GSDME: variants seen among roughly 807,000 people sequenced by gnomAD.
GSDME encodes the protein gasdermin-E.
A neutral mutation model predicts 47.5 loss-of-function variants in GSDME; 44 were observed. The ratio of observed to expected loss-of-function variants is 0.93; its 90% CI spans 0.73 to 1.19. The LOEUF (loss-of-function observed/expected upper bound fraction) is 1.19. GSDME is among the 50% of genes most tolerant of loss of function. GSDME has a pLI of 0.00. For missense variants in GSDME, 663 were observed against 604.2 expected, an observed-to-expected ratio of 1.10 and a Z score of -1.02; for synonymous variants, 258 against 252.8, an observed-to-expected ratio of 1.02 and a Z score of -0.20.
rs768833238 is a variant in GSDME, at chr7:24,714,937, C to T, written c.697+2317G>A. Among the ~76,000 whole-genome samples the T allele has an allele frequency of 3.3e-5, 5 of 152,222 alleles. No individual in the cohort carries two copies. The highest frequency in any genetic ancestry group is 4.8e-5 in the African/African-American group (2 of 41,454). ...TACAGAAGTGACGCATCCTTCACTA[C>T]AGCCAAGATACGGAAATAATGTAAC... On this transcript the variant is annotated intron_variant, in intron 5 of 9. Transcript: ENST00000645220. This position sits in a 1 kb window ranked among gnomAD's most constrained non-coding sequence, Gnocchi z 5.0.
chr7:24,717,218 G>GA (rs1562695781), intron 5 of GSDME, 36 bp downstream of exon 5: 3 of 1,612,908 alleles, frequency 1.9e-6, no homozygotes, highest in Non-Finnish European at 2.5e-6. Context: ...ATCCTCTGCT[G>GA]GGGATCCCTC....
chr7:24,711,587 G>A (rs1297544612), intron 5 of GSDME, among the ~76,000 whole-genome samples: 1 of 152,078 alleles, frequency 6.6e-6, no homozygotes, highest in African/African-American at 2.4e-5. Flanking sequence ...TCGGGAGGCT[G>A]AGGCAGGCAG....
intron 3 of GSDME, among the ~76,000 whole-genome samples, chr7:24,720,796 A>G (rs1008174935): frequency 2.6e-5 from 4 of 152,052 alleles, no homozygotes; most frequent in African/African-American, 9.7e-5. Context: ...AATCCCAGCT[A>G]CTCAGCAGGC....
At chr7:24,753,458 C>T (rs1225622162) in intron 1 of GSDME, among the ~76,000 whole-genome samples, 2 of 152,196 alleles carry the variant, frequency 1.3e-5, no homozygotes, top group African/African-American at 2.4e-5. Flanking sequence ...TATATTAAAG[C>T]TGTCCCCAGG....
At chr7:24,763,007 G>A in the GSDME span, among the ~76,000 whole-genome samples, 7 of 152,174 alleles carry the variant, frequency 4.6e-5, no homozygotes, top group East Asian at 7.7e-4. This position sits in a 1 kb window ranked among gnomAD's most constrained non-coding sequence, Gnocchi z 4.3. Context: ...TTATGGGAGC[G>A]GCACTTTCGG....
At position 24,712,923 on chromosome 7, in the gene GSDME, C is replaced by G. The variant is rs1476355172; in HGVS notation, c.698-2535G>C. ...ATCCCAGTTACTCAGGAGGCTGAGG[C>G]AGGAGAATCGTTTGAACCTGGGAGG... On this transcript the variant is annotated intron_variant, in intron 5 of 9. Coordinates refer to ENST00000645220, the MANE Select transcript of GSDME (RefSeq NM_001127453.2). This position sits in a 1 kb window ranked among gnomAD's most constrained non-coding sequence, Gnocchi z 4.4. Among the ~76,000 whole-genome samples, 1 of 151,418 alleles carries G rather than the reference C, an allele frequency of 6.6e-6. No individual in the cohort carries two copies. Among genetic ancestry groups the G allele is most frequent in the Non-Finnish European group, 1.5e-5 (1 of 67,962 alleles).
At chr7:24,767,468 T>C in the GSDME span, among the ~76,000 whole-genome samples, 1 of 142,900 alleles carries the variant, frequency 7.0e-6, no homozygotes, top group South Asian at 2.4e-4. The surrounding 1 kb of genome is among the most constrained non-coding windows in gnomAD (Gnocchi z 5.3). Context: ...CTCATTCTCC[T>C]CCCTCCCCCG....
chr7:24,717,979 A>G (rs1789633319), intron 4 of GSDME, among the ~76,000 whole-genome samples: 1 of 152,248 alleles, frequency 6.6e-6, no homozygotes, highest in South Asian at 2.1e-4. Flanking sequence ...ATGAGAATCT[A>G]TTTGTTGGCC....
At chr7:24,784,595 C>T in the GSDME span, among the ~76,000 whole-genome samples, 1 of 151,492 alleles carries the variant, frequency 6.6e-6, no homozygotes, top group African/African-American at 2.4e-5. Flanking sequence ...CAGCTGATCC[C>T]ACCTTCTTCC....
At chr7:24,794,184 C>T in the GSDME span, among the ~76,000 whole-genome samples, 1 of 138,008 alleles carries the variant, frequency 7.2e-6, no homozygotes, top group Non-Finnish European at 1.5e-5. Context: ...CTGTCTCTTC[C>T]TCTCTCTCTC....
In GSDME at chr7:24,714,434, AAAAAG is replaced by A. The variant is rs1328843616; in HGVS notation, c.697+2815_697+2819del. 4.6e-5 allele frequency among the ~76,000 whole-genome samples: 7 copies of A among 152,140 alleles called. No individual in the cohort carries two copies. Among genetic ancestry groups the A allele is most frequent in the South Asian group, 2.1e-4 (1 of 4,812 alleles). ...GAGCAACAGAAAACGGATGGGCAAA[AAAAAG>A]AAAAGAAATAGCAGAACTGGTTTAA... On this transcript the variant is annotated intron_variant, in intron 5 of 9. Transcript: ENST00000645220. This position sits in a 1 kb window ranked among gnomAD's most constrained non-coding sequence, Gnocchi z 5.0.
At chr7:24,780,648 C>T in the GSDME span, among the ~76,000 whole-genome samples, 1 of 152,212 alleles carries the variant, frequency 6.6e-6, no homozygotes, top group Non-Finnish European at 1.5e-5. The surrounding 1 kb of genome is among the most constrained non-coding windows in gnomAD (Gnocchi z 4.1). Context: ...GGAACTAACT[C>T]CTCCCTTTGT....
chr7:24,705,935 T>C lies in GSDME; in HGVS notation c.1183+249A>G. The C allele has an allele frequency of 1.8e-6, 1 of 564,878 alleles. No homozygotes were observed. The highest frequency in any genetic ancestry group is 4.8e-4 in the Middle Eastern group (1 of 2,070). The allele number at this position is 564,878 out of a possible 1,614,324, so 35.0% of individuals were successfully genotyped here. On this transcript the variant is annotated intron_variant, in intron 8 of 9. Transcript: ENST00000645220. The surrounding 1 kb of genome is among the most constrained non-coding windows in gnomAD (Gnocchi z 4.1). ...AAGGGGCACCCACTGTGGCCTTCCC[T>C]GGGGGAGGAGGGAGAAGGGCCCTCC...
Position 24,719,199 on chromosome 7 carries a change from G to C in GSDME, c.424C>G (p.Pro142Ala), listed in dbSNP as rs754554. Residue 142 changes from proline to alanine, a missense_variant, in exon 4 of 10, where the codon CCT becomes GCT. Coordinates refer to ENST00000645220, the MANE Select transcript of GSDME (RefSeq NM_001127453.2). ...SAERTINLRN[P>A]VLQQVLEGRN... is the part of the protein sequence containing the mutation. ...CCTTCCAGCACCTGCTGGAGCACAG[G>C]GTTTCTCAGATTTATTGTTCTGAAA... The C allele has an allele frequency of 7.6e-5, 123 of 1,612,144 alleles. No homozygotes were observed. Among genetic ancestry groups the C allele is most frequent in the Non-Finnish European group, 9.2e-5 (108 of 1,179,792 alleles).
Position 24,742,827 on chromosome 7 carries a change from T to A in GSDME, c.404+1735A>T, listed in dbSNP as rs775826805. ...TAAGACACCCAGTTAAATTTTCATT[T>A]CAGATAAATATCAAATACATTTCTA... is the stretch of plus-strand genomic sequence containing the variant. On this transcript the variant is annotated intron_variant, in intron 3 of 9. Coordinates refer to ENST00000645220, the MANE Select transcript of GSDME (RefSeq NM_001127453.2). This position sits in a 1 kb window ranked among gnomAD's most constrained non-coding sequence, Gnocchi z 4.4. Among the ~76,000 whole-genome samples, 4 of 152,198 alleles carry A rather than the reference T, an allele frequency of 2.6e-5. No homozygotes were observed. Among genetic ancestry groups the A allele is most frequent in the Non-Finnish European group, 2.9e-5 (2 of 68,044 alleles).
chr7:24,718,599 G>A (rs1279499376), intron 4 of GSDME, among the ~76,000 whole-genome samples: 7 of 152,286 alleles, frequency 4.6e-5, no homozygotes, highest in Middle Eastern at 3.4e-3. Context: ...AACATCTGCC[G>A]CCCACAGGAA....
In GSDME at chr7:24,712,371, G is replaced by T. The variant is rs1388617790; in HGVS notation, c.698-1983C>A. The stretch of plus-strand genomic sequence containing the variant: ...CCCCAAAATAATGTGGAACCAACTG[G>T]CATTTTAAGAATCCACAGCACCAAC... On this transcript the variant is annotated intron_variant, in intron 5 of 9. Transcript: ENST00000645220. The surrounding 1 kb of genome is among the most constrained non-coding windows in gnomAD (Gnocchi z 4.4). Among the ~76,000 whole-genome samples the T allele has an allele frequency of 1.3e-5, 2 of 152,242 alleles. No individual in the cohort carries two copies. The highest frequency in any genetic ancestry group is 1.9e-4 in the East Asian group (1 of 5,184).
chr7:24,712,409 T>G lies in GSDME; in HGVS notation c.698-2021A>C, dbSNP rs1264521664. On this transcript the variant is annotated intron_variant, in intron 5 of 9. Transcript: ENST00000645220. The surrounding 1 kb of genome is among the most constrained non-coding windows in gnomAD (Gnocchi z 4.4). ...CCACAGCACCAACCACACACCACAC[T>G]CTCACCTTCACCCATGCATAGCTCC... 6.6e-6 allele frequency among the ~76,000 whole-genome samples: 1 copy of G among 152,116 alleles called. No homozygotes were observed. The highest frequency in any genetic ancestry group is 1.5e-5 in the Non-Finnish European group (1 of 68,026).
intron 3 of GSDME, among the ~76,000 whole-genome samples, chr7:24,722,238 T>C (rs994136343): frequency 3.3e-5 from 5 of 152,234 alleles, no homozygotes; most frequent in African/African-American, 1.2e-4. Flanking sequence ...ATTGGTTGAA[T>C]GAATGTGTAC....
Sources: allele counts gnomAD v4.1 joint callset (sites outside exome capture counted in the v4.1 genomes callset), GRCh38; gene constraint gnomAD v4.1.1; non-coding constraint Gnocchi (gnomAD v3.1); transcripts MANE v1.5; gene names NCBI Gene and HGNC (gene_info 2026-07-23, HGNC 2026-07-21).